Variants in C1QTNF3 observed in about 807,000 individuals in gnomAD.
C1QTNF3 encodes complement C1q tumor necrosis factor-related protein 3.
In C1QTNF3, 26 loss-of-function variants were observed where a neutral mutation model predicts 32.6. That is an observed-to-expected ratio of 0.80 (90% CI 0.58 to 1.11). The LOEUF (loss-of-function observed/expected upper bound fraction) is 1.11. Ranked by LOEUF, C1QTNF3 falls within the 50% of genes least tolerant of loss-of-function variation. C1QTNF3 has a pLI of 0.00. For missense variants in C1QTNF3, 362 were observed against 398.2 expected (o/e 0.91, Z 0.77); for synonymous variants, 155 against 146.0 (o/e 1.06, Z -0.44).
chr5:34,072,997 G>C, the C1QTNF3 span, among the ~76,000 whole-genome samples: 1 of 152,038 alleles, frequency 6.6e-6, no homozygotes, highest in African/African-American at 2.4e-5. Context: ...ATTAAAAATG[G>C]TTTTACTGAA....
chr5:34,121,193 T>A, the C1QTNF3 span, among the ~76,000 whole-genome samples: 1 of 152,238 alleles, frequency 6.6e-6, no homozygotes, highest in Admixed American at 6.5e-5. Flanking sequence ...ACATTTCACT[T>A]CATTTTATAT....
chr5:34,243,236 A>G, the C1QTNF3 span, among the ~76,000 whole-genome samples: 7 of 152,248 alleles, frequency 4.6e-5, no homozygotes, highest in African/African-American at 1.7e-4. Context: ...GCAAATAAAT[A>G]AATGCAAGCA....
the C1QTNF3 span, among the ~76,000 whole-genome samples, chr5:34,061,640 A>T: frequency 1.3e-5 from 2 of 152,146 alleles, no homozygotes; most frequent in Non-Finnish European, 2.9e-5. Context: ...TGAGGCTTGC[A>T]CCCTCTGAAG....
the C1QTNF3 span, among the ~76,000 whole-genome samples, chr5:34,216,941 G>C: frequency 1.3e-5 from 2 of 152,132 alleles, no homozygotes; most frequent in East Asian, 3.9e-4. Context: ...ATAAAACGGT[G>C]TGTCATTTGT....
chr5:34,242,680 AG>A, the C1QTNF3 span, among the ~76,000 whole-genome samples: 1 of 151,598 alleles, frequency 6.6e-6, no homozygotes, highest in East Asian at 1.9e-4. Context: ...CAAACTAAAA[AG>A]CTTCTGCACA....
chr5:34,089,283 T>C, the C1QTNF3 span, among the ~76,000 whole-genome samples: 1 of 152,190 alleles, frequency 6.6e-6, no homozygotes, highest in Non-Finnish European at 1.5e-5. Flanking sequence ...TTTTCTTTTC[T>C]AGGACCTTGT....
rs376459769 is a variant in C1QTNF3, at chr5:34,020,553, C to T, written c.*30G>A. Reference sequence around the variant, plus strand: ...ACAAATCAGCTCAGCTACAAGTCTTCCCCAAAGTGGAGCTATTCTAGTCAT... The same window carrying T: ...ACAAATCAGCTCAGCTACAAGTCTTTCCCAAAGTGGAGCTATTCTAGTCAT... On this transcript the variant is annotated 3_prime_UTR_variant, in exon 6 of 6. Transcript: ENST00000382065. 67 of 1,603,236 alleles carry T rather than the reference C, an allele frequency of 4.2e-5. No individual in the cohort carries two copies. The highest frequency in any genetic ancestry group is 5.5e-5 in the Non-Finnish European group (64 of 1,171,786).
At chr5:34,225,502 C>T in the C1QTNF3 span, among the ~76,000 whole-genome samples, 1 of 151,952 alleles carries the variant, frequency 6.6e-6, no homozygotes, top group Non-Finnish European at 1.5e-5. Context: ...AATAAACTGA[C>T]TTATCTTCAT....
chr5:34,047,390 G>A (rs1280225918), upstream of C1QTNF3, among the ~76,000 whole-genome samples: 2 of 152,240 alleles, frequency 1.3e-5, no homozygotes, highest in Non-Finnish European at 2.9e-5. Flanking sequence ...AAAGGAGGCC[G>A]TTATAAGATG....
chr5:34,160,666 T>C, the C1QTNF3 span, among the ~76,000 whole-genome samples: 2 of 152,150 alleles, frequency 1.3e-5, no homozygotes, highest in South Asian at 4.1e-4. Context: ...AATATTTATA[T>C]TATCCAATTT....
the C1QTNF3 span, among the ~76,000 whole-genome samples, chr5:34,121,890 C>T: frequency 1.3e-5 from 2 of 152,108 alleles, no homozygotes; most frequent in Non-Finnish European, 2.9e-5. Context: ...CTGAGCTGTT[C>T]CGCCATTTGA....
At chr5:34,164,016 C>A in the C1QTNF3 span, among the ~76,000 whole-genome samples, 3 of 152,160 alleles carry the variant, frequency 2.0e-5, no homozygotes, top group Admixed American at 2.0e-4. Flanking sequence ...CTTTGCACAG[C>A]AGTGCTGACG....
chr5:34,042,956 A>T lies in C1QTNF3; in HGVS notation c.170T>A (p.Val57Glu), dbSNP rs1256160220. The T allele has an allele frequency of 6.2e-7, 1 of 1,613,968 alleles. No individual in the cohort carries two copies. Among genetic ancestry groups the T allele is most frequent in the African/African-American group, 1.3e-5 (1 of 74,896 alleles). ...TGRSGSRREK[V>E]RERSHPKTGT... ...AGTTTTAGGATGGCTCCGCTCTCTC[A>T]CTTTCTCCCTCCTGGAGCCGCTACG... Residue 57 changes from valine (V) to glutamate (E), a missense_variant, in exon 1 of 6, where the codon GTG (valine) becomes GAG (glutamate). Coordinates refer to ENST00000382065, the MANE Select transcript of C1QTNF3 (RefSeq NM_181435.6).
At chr5:34,137,903 C>T in the C1QTNF3 span, among the ~76,000 whole-genome samples, 1 of 152,128 alleles carries the variant, frequency 6.6e-6, no homozygotes, top group Non-Finnish European at 1.5e-5. Flanking sequence ...AATCTGAGTA[C>T]CACAGAATGC....
intron 1 of C1QTNF3, 39 bp from the exon 2 acceptor site, chr5:34,035,797 C>A: frequency 6.7e-7 from 1 of 1,496,826 alleles, no homozygotes; most frequent in Non-Finnish European, 9.2e-7. Context: ...AAAAAAGGTA[C>A]TTGTGAGCAA....
At chr5:34,142,639 T>C in the C1QTNF3 span, among the ~76,000 whole-genome samples, 1 of 152,252 alleles carries the variant, frequency 6.6e-6, no homozygotes, top group East Asian at 1.9e-4. Context: ...ACGTGTCATT[T>C]AGTGGATCAC....
At chr5:34,143,532 G>C in the C1QTNF3 span, among the ~76,000 whole-genome samples, 1 of 152,096 alleles carries the variant, frequency 6.6e-6, no homozygotes, top group African/African-American at 2.4e-5. Context: ...CCAGAAAGAA[G>C]AGTCAGGTCA....
At chr5:34,195,718 T>C in the C1QTNF3 span, among the ~76,000 whole-genome samples, 1 of 151,372 alleles carries the variant, frequency 6.6e-6, no homozygotes, top group Non-Finnish European at 1.5e-5. Flanking sequence ...GCGGGCGCCT[T>C]AGTCCCAGCT....
chr5:34,109,879 G>A, the C1QTNF3 span, among the ~76,000 whole-genome samples: 2 of 152,402 alleles, frequency 1.3e-5, no homozygotes, highest in African/African-American at 4.8e-5. Context: ...ATACATGGTG[G>A]CTCCATGTGG....
Sources: gnomAD v4.1 joint callset for allele counts (sites outside exome capture counted in the v4.1 genomes callset) on GRCh38, gnomAD v4.1.1 for gene constraint, MANE v1.5 for transcripts, NCBI Gene and HGNC (gene_info 2026-07-23, HGNC 2026-07-21) for gene names.